AGMO: variants seen among roughly 807,000 people sequenced by gnomAD.
AGMO encodes alkylglycerol monooxygenase, also known as glyceryl-ether monooxygenase.
AGMO carries 75 observed loss-of-function variants against 60.2 expected under a neutral mutation model. That is an observed-to-expected ratio of 1.25 (90% CI 1.03 to 1.51). AGMO has a LOEUF of 1.51. Among genes scored for constraint, AGMO ranks in the 40% most tolerant of loss-of-function variants. The pLI is 0.00. For synonymous variants in AGMO, 261 were observed against 177.1 expected, an observed-to-expected ratio of 1.47 and a Z score of -3.76; for missense variants, 763 against 525.5, an observed-to-expected ratio of 1.45 and a Z score of -4.42.
chr7:15,234,535 G>T (rs1249184226), intron 12 of AGMO, among the ~76,000 whole-genome samples: 1 of 152,036 alleles, frequency 6.6e-6, no homozygotes, highest in Admixed American at 6.5e-5. Context: ...ATCTCTTTTT[G>T]GTTTTGTTTT....
At chr7:15,415,846 C>T (rs1385866034) in intron 5 of AGMO, among the ~76,000 whole-genome samples, 1 of 151,914 alleles carries the variant, frequency 6.6e-6, no homozygotes, top group African/African-American at 2.4e-5. Flanking sequence ...TTAGTGAATT[C>T]ACAAGAAGAG....
Position 15,499,932 on chromosome 7 carries a change from C to CACACATATAT in AGMO, c.409+44839_409+44840insATATATGTGT, listed in dbSNP as rs146144087. Among the ~76,000 whole-genome samples, 562 of 138,968 alleles carry CACACATATAT rather than the reference C, an allele frequency of 4.0e-3. 4 individuals are homozygous for CACACATATAT. Among genetic ancestry groups the CACACATATAT allele is most frequent in the South Asian group, 0.023 (103 of 4,416 alleles). The allele number at this position is 138,968 out of a possible 152,430, so 91.2% of individuals were successfully genotyped here. On this transcript the variant is annotated intron_variant, in intron 3 of 12. Transcript: ENST00000342526. ...GCACACACACACACACACACACACACATATATATATATAATATATATATTT... is the reference window on the plus strand; with the variant it reads ...GCACACACACACACACACACACACACACACATATATATATATATATATAATATATATATTT...
the AGMO span, among the ~76,000 whole-genome samples, chr7:15,182,523 C>T: frequency 6.6e-6 from 1 of 152,136 alleles, no homozygotes; most frequent in African/African-American, 2.4e-5. Flanking sequence ...TCAAGCGATC[C>T]TCCCACCTCT....
At chr7:15,425,642 A>C (rs903891995) in intron 4 of AGMO, among the ~76,000 whole-genome samples, 3 of 152,032 alleles carry the variant, frequency 2.0e-5, no homozygotes, top group Non-Finnish European at 4.4e-5. Context: ...ATCTTGTGAT[A>C]TTGCTTCGGC....
At chr7:15,347,393 G>A (rs1782072556) in intron 12 of AGMO, among the ~76,000 whole-genome samples, 1 of 151,936 alleles carries the variant, frequency 6.6e-6, no homozygotes, top group Non-Finnish European at 1.5e-5. Context: ...GCTGACAACA[G>A]CTCCATTTAT....
intron 12 of AGMO, among the ~76,000 whole-genome samples, chr7:15,207,950 A>T (rs1781484169): frequency 6.6e-6 from 1 of 152,210 alleles, no homozygotes; most frequent in South Asian, 2.1e-4. Context: ...ATAAAGTAAA[A>T]TAAAATAAGG....
At chr7:15,181,726 A>T in the AGMO span, among the ~76,000 whole-genome samples, 16 of 152,238 alleles carry the variant, frequency 1.1e-4, no homozygotes, top group African/African-American at 3.9e-4. Context: ...TTTTGATGGT[A>T]GTGTTTTGTT....
At chr7:15,189,321 A>T in the AGMO span, among the ~76,000 whole-genome samples, 2 of 152,112 alleles carry the variant, frequency 1.3e-5, no homozygotes, top group Non-Finnish European at 2.9e-5. Context: ...ATTCTAACTG[A>T]TTTTAAGTTT....
At chr7:15,329,200 G>A (rs1306492864) in intron 12 of AGMO, among the ~76,000 whole-genome samples, 5 of 152,072 alleles carry the variant, frequency 3.3e-5, no homozygotes, top group Non-Finnish European at 5.9e-5. Context: ...CAGGGGCTTC[G>A]ATATTCGTCT....
chr7:15,555,947 A>C (rs1227675582), intron 2 of AGMO, among the ~76,000 whole-genome samples: 1 of 152,008 alleles, frequency 6.6e-6, no homozygotes, highest in Non-Finnish European at 1.5e-5. Flanking sequence ...AATTATTTCT[A>C]AGTTAATACA....
chr7:15,388,964 G>A (rs924001142), intron 8 of AGMO, among the ~76,000 whole-genome samples: 8 of 152,172 alleles, frequency 5.3e-5, no homozygotes, highest in African/African-American at 1.9e-4. Context: ...TTCAGCAGCT[G>A]TTCCTAAATA....
At chr7:15,499,266 G>A (rs1267665148) in intron 3 of AGMO, among the ~76,000 whole-genome samples, 4 of 151,754 alleles carry the variant, frequency 2.6e-5, no homozygotes, top group Non-Finnish European at 5.9e-5. Flanking sequence ...CAATAAAGAT[G>A]TTTTTTTAAA....
chr7:15,331,619 A>C (rs1245564820), intron 12 of AGMO, among the ~76,000 whole-genome samples: 16 of 152,118 alleles, frequency 1.1e-4, no homozygotes, highest in Non-Finnish European at 8.8e-5. Flanking sequence ...TATATTTCCC[A>C]GGCTCATTTT....
At chr7:15,321,290 C>T (rs1781100648) in intron 12 of AGMO, among the ~76,000 whole-genome samples, 1 of 152,102 alleles carries the variant, frequency 6.6e-6, no homozygotes, top group Admixed American at 6.6e-5. Flanking sequence ...CTGCCACAAA[C>T]CCCAAACGGA....
chr7:15,274,957 G>A (rs1457269482), intron 12 of AGMO, among the ~76,000 whole-genome samples: 1 of 151,400 alleles, frequency 6.6e-6, no homozygotes, highest in Non-Finnish European at 1.5e-5. Context: ...GAGCTCATTA[G>A]TGGCCTATCG....
At chr7:15,429,857 T>C (rs1287486862) in intron 4 of AGMO, among the ~76,000 whole-genome samples, 1 of 152,024 alleles carries the variant, frequency 6.6e-6, no homozygotes, top group Non-Finnish European at 1.5e-5. Context: ...TTCAGTTCCC[T>C]GAGAATGATA....
At chr7:15,476,123 G>C (rs1340243216) in intron 3 of AGMO, among the ~76,000 whole-genome samples, 2 of 152,194 alleles carry the variant, frequency 1.3e-5, no homozygotes, top group Middle Eastern at 3.4e-3. Context: ...TATGTACAAA[G>C]TGAGAATATA....
chr7:15,152,134 G>C, the AGMO span, among the ~76,000 whole-genome samples: 1 of 152,102 alleles, frequency 6.6e-6, no homozygotes, highest in Non-Finnish European at 1.5e-5. Context: ...TTATTATTAT[G>C]TAATGCAATA....
chr7:15,546,945 T>C (rs1043061147), intron 2 of AGMO, among the ~76,000 whole-genome samples: 10 of 152,202 alleles, frequency 6.6e-5, no homozygotes, highest in African/African-American at 2.4e-4. Context: ...ATCTTAAAAT[T>C]GCTCACTATT....
Sources: allele counts gnomAD v4.1 joint callset (sites outside exome capture counted in the v4.1 genomes callset), GRCh38; gene constraint gnomAD v4.1.1; transcripts MANE v1.5; gene names NCBI Gene and HGNC (gene_info 2026-07-23, HGNC 2026-07-21).